The following HHIPL2 variants were observed in gnomAD, a reference collection of about 807,000 sequenced individuals.
HHIPL2 encodes HHIP-like protein 2.
In HHIPL2, 61 loss-of-function variants were observed where a neutral mutation model predicts 61.0. That is an observed-to-expected ratio of 1.00 (90% CI 0.81 to 1.24). The LOEUF is 1.24. HHIPL2 is among the 50% of genes most tolerant of loss of function. The probability of loss-of-function intolerance (pLI) is 0.00; values close to 1 mark genes in which losing one functional copy is unlikely to be tolerated. For synonymous variants in HHIPL2, 343 were observed against 357.4 expected (o/e 0.96, Z 0.45); for missense variants, 885 against 910.2 (o/e 0.97, Z 0.36).
intron 8 of HHIPL2, 85 bp downstream of exon 8, chr1:222,523,526 AC>A (rs1658998766): frequency 8.0e-7 from 1 of 1,248,998 alleles, no homozygotes; most frequent in Non-Finnish European, 1.2e-6. Flanking sequence ...CTAAGACTCC[AC>A]CATGGGAATT....
intron 5 of HHIPL2, among the ~76,000 whole-genome samples, chr1:222,538,218 GTGTGTGTGTGTGTGT>G (rs1446217056): frequency 1.1e-4 from 16 of 149,788 alleles, no homozygotes; most frequent in Non-Finnish European, 1.8e-4. Flanking sequence ...GTGTGTGTGT[GTGTGTGTGTGTGTGT>G]GTGTGTGTGT....
chr1:222,539,541 AAAAAAAAAG>A (rs1463957458), intron 4 of HHIPL2, among the ~76,000 whole-genome samples: 3 of 151,136 alleles, frequency 2.0e-5, no homozygotes, highest in East Asian at 3.9e-4. Flanking sequence ...AAAAAAAAAA[AAAAAAAAAG>A]AAAGAAAGAA....
At chr1:222,539,956 A>C in intron 4 of HHIPL2, 54 bp downstream of exon 4, 1 of 1,455,666 alleles carries the variant, frequency 6.9e-7, no homozygotes. Context: ...CCCTACCTCC[A>C]CCTCCAGCCC....
intron 3 of HHIPL2, 84 bp from the exon 4 acceptor site, chr1:222,540,425 CAT>C: frequency 9.3e-7 from 1 of 1,073,278 alleles, no homozygotes; most frequent in East Asian, 2.4e-5. Flanking sequence ...AGGGCCGACT[CAT>C]AGCTGATGCC....
chr1:222,539,774 A>G (rs906821067), intron 4 of HHIPL2, among the ~76,000 whole-genome samples: 2 of 152,174 alleles, frequency 1.3e-5, no homozygotes, highest in African/African-American at 4.8e-5. Flanking sequence ...CAAAATTCAA[A>G]TTCATTAGGT....
At chr1:222,533,313 C>T (rs183267116) in intron 5 of HHIPL2, among the ~76,000 whole-genome samples, 2 of 149,202 alleles carry the variant, frequency 1.3e-5, no homozygotes, top group African/African-American at 5.0e-5. Context: ...TGCGGTGAGC[C>T]GAGATTGCAC....
At chr1:222,522,955 AC>A in intron 8 of HHIPL2, 68 bp from the exon 9 acceptor site, 1 of 1,268,996 alleles carries the variant, frequency 7.9e-7, no homozygotes, top group Non-Finnish European at 1.1e-6. Flanking sequence ...GAAAACTATA[AC>A]TGCATTATAG....
chr1:222,526,619 C>A (rs1170292093), intron 7 of HHIPL2, among the ~76,000 whole-genome samples: 1 of 148,328 alleles, frequency 6.7e-6, no homozygotes, highest in Non-Finnish European at 1.5e-5. Flanking sequence ...GCAGGAATAT[C>A]GCTTGAACCT....
Position 222,543,450 on chromosome 1 carries a change from G to A in HHIPL2, c.974+87C>T, listed in dbSNP as rs750998977. 11 of 1,297,754 alleles carry A rather than the reference G, an allele frequency of 8.5e-6. No homozygotes were observed. The East Asian group carries it at 1.4e-4, about 16-fold the overall frequency. 80.4% of individuals were successfully genotyped at this position (1,297,754 alleles called of 1,614,324 possible). The stretch of plus-strand genomic sequence containing the variant: ...CAGTTCGAGTAGTGCTCTAAAACCA[G>A]TGAAGTTCCCCTCTATTATCTCGCA... On this transcript the variant is annotated intron_variant, in intron 2 of 8. Transcript: ENST00000343410.
intron 5 of HHIPL2, among the ~76,000 whole-genome samples, chr1:222,538,352 T>C (rs537935014): frequency 1.3e-4 from 19 of 151,392 alleles, no homozygotes; most frequent in African/African-American, 4.6e-4. Flanking sequence ...TTGGAAATGC[T>C]CAGAACAAGT....
Position 222,543,770 on chromosome 1 carries a change from A to G in HHIPL2, c.741T>C (p.Asp247=). 2 of 1,614,142 alleles carry G rather than the reference A, an allele frequency of 1.2e-6. No individual in the cohort carries two copies. The highest frequency in any genetic ancestry group is 1.1e-5 in the South Asian group (1 of 91,080). The change falls in exon 2 of 9, where the codon GAT becomes GAC. Residue 247 remains aspartate, a synonymous_variant. Transcript: ENST00000343410. Reference sequence around the variant, plus strand: ...GGAAGGGTTGCTCCAGGCGACTCCCATCAGGGAGGTAGACCCACACCACTC... The same window carrying G: ...GGAAGGGTTGCTCCAGGCGACTCCCGTCAGGGAGGTAGACCCACACCACTC... The part of the protein sequence containing the change: ...QVGVVWVYLP[D]GSRLEQPFLD...
rs915654482 is a variant in HHIPL2, at chr1:222,522,552, G to T, written c.*49C>A. 2 of 1,575,932 alleles carry T rather than the reference G, an allele frequency of 1.3e-6. No homozygotes were observed. Among genetic ancestry groups the T allele is most frequent in the Middle Eastern group, 4.5e-4 (2 of 4,448 alleles). On this transcript the variant is annotated 3_prime_UTR_variant, in exon 9 of 9. Transcript: ENST00000343410. ...TTCAGCAGTGACTTTCATTTGATGAGGTGGCTCTCCTCTCTCACGTCACCC... is the reference window on the plus strand; with the variant it reads ...TTCAGCAGTGACTTTCATTTGATGATGTGGCTCTCCTCTCTCACGTCACCC...
chr1:222,528,966 G>A (rs1479024566), intron 6 of HHIPL2, among the ~76,000 whole-genome samples: 1 of 151,904 alleles, frequency 6.6e-6, no homozygotes, highest in African/African-American at 2.4e-5. Context: ...GACTACAGGT[G>A]CATGCCACCA....
In HHIPL2 at chr1:222,540,189, C is replaced by T; in HGVS notation, c.1271G>A (p.Cys424Tyr). 1 of 1,614,272 alleles carries T rather than the reference C, an allele frequency of 6.2e-7. No homozygotes were observed. The highest frequency in any genetic ancestry group is 8.5e-7 in the Non-Finnish European group (1 of 1,180,052). The change falls in exon 4 of 9, where the codon TGT becomes TAT. Residue 424 changes from cysteine (C) to tyrosine (Y), a missense_variant. By Grantham distance (194) the Cys-to-Tyr change is radical. Coordinates refer to ENST00000343410, the MANE Select transcript of HHIPL2 (RefSeq NM_024746.4). The stretch of plus-strand genomic sequence containing the variant: ...GATGGGGTCCCCTCGGTCCACAGCA[C>T]AACGCCACATGTTCCTGATCCCATA... ...YAYGIRNMWR[C>Y]AVDRGDPITR...
At chr1:222,544,999 A>C (rs1364803116) in intron 1 of HHIPL2, among the ~76,000 whole-genome samples, 1 of 152,238 alleles carries the variant, frequency 6.6e-6, no homozygotes, top group East Asian at 1.9e-4. Context: ...CCTGCTCCTT[A>C]CACAAACATA....
intron 5 of HHIPL2, among the ~76,000 whole-genome samples, chr1:222,534,337 A>T (rs1659253918): frequency 6.6e-6 from 1 of 152,248 alleles, no homozygotes; most frequent in Non-Finnish European, 1.5e-5. Context: ...GTCCATTGAA[A>T]GTGACACAGA....
At chr1:222,541,767 T>A (rs1444323154) in intron 3 of HHIPL2, among the ~76,000 whole-genome samples, 1 of 152,188 alleles carries the variant, frequency 6.6e-6, no homozygotes, top group East Asian at 1.9e-4. Context: ...ATATATATAT[T>A]TTTAAAATCC....
intron 5 of HHIPL2, among the ~76,000 whole-genome samples, chr1:222,536,933 G>A (rs1659313413): frequency 6.6e-6 from 1 of 151,998 alleles, no homozygotes; most frequent in Non-Finnish European, 1.5e-5. Context: ...AAGCTACTGG[G>A]GAGGCTGAGG....
In HHIPL2 at chr1:222,522,559, C is replaced by G; in HGVS notation, c.*42G>C. 5.7e-6 allele frequency: 9 copies of G among 1,587,234 alleles called. No homozygotes were observed. Among genetic ancestry groups the G allele is most frequent in the Non-Finnish European group, 7.7e-6 (9 of 1,168,000 alleles). On this transcript the variant is annotated 3_prime_UTR_variant, in exon 9 of 9. Transcript: ENST00000343410. ...GTGACTTTCATTTGATGAGGTGGCT[C>G]TCCTCTCTCACGTCACCCTGTCGGC... is the stretch of plus-strand genomic sequence containing the variant.
Sources: allele counts gnomAD v4.1 joint callset (sites outside exome capture counted in the v4.1 genomes callset), GRCh38; gene constraint gnomAD v4.1.1; transcripts MANE v1.5; gene names NCBI Gene and HGNC (gene_info 2026-07-23, HGNC 2026-07-21).